The following COG5 variants were observed in gnomAD, a reference collection of about 807,000 sequenced individuals.
COG5 encodes the protein conserved oligomeric Golgi complex subunit 5.
A neutral mutation model predicts 110.4 loss-of-function variants in COG5; 86 were observed. That is an observed-to-expected ratio of 0.78 (90% confidence interval 0.65 to 0.93). COG5 has a LOEUF of 0.93. Ranked by LOEUF, COG5 falls within the 40% of genes least tolerant of loss-of-function variation. The pLI is 0.00. For missense variants in COG5, 1,077 were observed against 987.0 expected, an observed-to-expected ratio of 1.09 and a Z score of -1.22; for synonymous variants, 360 against 334.6, an observed-to-expected ratio of 1.08 and a Z score of -0.83.
chr7:107,529,136 G>A (rs1489081000), intron 5 of COG5, among the ~76,000 whole-genome samples: 2 of 150,644 alleles, frequency 1.3e-5, no homozygotes, highest in Non-Finnish European at 2.9e-5. Context: ...GATAATACAA[G>A]CACATGATTC....
At chr7:107,359,684 A>T (rs1812927395) in intron 10 of COG5, among the ~76,000 whole-genome samples, 2 of 152,226 alleles carry the variant, frequency 1.3e-5, no homozygotes, top group East Asian at 3.8e-4. Flanking sequence ...CCCCTGACTC[A>T]GCCAGACGAC....
At position 107,236,761 on chromosome 7, in the gene COG5, C is replaced by A. The variant is rs532895374; in HGVS notation, c.1854-74G>T. 4.9e-5 allele frequency: 45 copies of A among 917,334 alleles called. No individual in the cohort carries two copies. In the East Asian group the frequency reaches 1.0e-3, roughly 21 times the overall value. 56.8% of individuals were successfully genotyped at this position (917,334 alleles called of 1,614,324 possible). A position where few individuals can be genotyped will look rare whatever the true frequency, so the allele number is the denominator to read the frequency against. On this transcript the variant is annotated intron_variant, in intron 17 of 21. Coordinates refer to ENST00000297135, the MANE Select transcript of COG5 (RefSeq NM_006348.5). ...CTCTTTGATTTTGTACCCCTCTCCC[C>A]ACCAATGCTGCTATTTCAATCCTTT...
intron 19 of COG5, among the ~76,000 whole-genome samples, chr7:107,215,003 C>T (rs1007601262): frequency 1.3e-5 from 2 of 151,418 alleles, no homozygotes; most frequent in African/African-American, 4.9e-5. Context: ...ATTTTGACAT[C>T]AAAATATTAA....
At chr7:107,225,995 A>G (rs892441302) in intron 19 of COG5, among the ~76,000 whole-genome samples, 4 of 152,108 alleles carry the variant, frequency 2.6e-5, no homozygotes, top group African/African-American at 4.8e-5. Flanking sequence ...GTGAACCATG[A>G]TCATGCCATT....
intron 6 of COG5, among the ~76,000 whole-genome samples, chr7:107,456,322 A>G (rs576604569): frequency 3.3e-3 from 507 of 152,358 alleles, no homozygotes; most frequent in Non-Finnish European, 5.4e-3. Context: ...AAACAGATTT[A>G]AAACTTCTAC....
intron 6 of COG5, among the ~76,000 whole-genome samples, chr7:107,480,169 A>G (rs1225080609): frequency 1.3e-5 from 2 of 152,160 alleles, no homozygotes; most frequent in African/African-American, 4.8e-5. Context: ...TAGAAAATTC[A>G]CATTTTCAGT....
At chr7:107,446,094 C>A (rs1403994446) in intron 6 of COG5, among the ~76,000 whole-genome samples, 1 of 152,180 alleles carries the variant, frequency 6.6e-6, no homozygotes, top group Non-Finnish European at 1.5e-5. Flanking sequence ...ACAAACTTGA[C>A]CAGTTCAAGA....
chr7:107,348,419 C>T (rs947649009), intron 10 of COG5, among the ~76,000 whole-genome samples: 1 of 151,994 alleles, frequency 6.6e-6, no homozygotes, highest in Non-Finnish European at 1.5e-5. Flanking sequence ...ACCATATGGG[C>T]CTACTAGTTT....
chr7:107,281,401 T>C lies in COG5; in HGVS notation c.1476-2A>G, dbSNP rs372778214. On this transcript the variant is annotated splice_acceptor_variant, in intron 13 of 21. Transcript: ENST00000297135. LOFTEE classifies it high-confidence loss of function. ...TCAACAGCAGCAACATTTAGTTCAC[T>C]GGAGAAAATGAAAACAGTTTTTAAA... is the stretch of plus-strand genomic sequence containing the variant. The C allele has an allele frequency of 5.0e-6, 8 of 1,606,830 alleles. No individual in the cohort carries two copies. The highest frequency in any genetic ancestry group is 1.3e-5 in the African/African-American group (1 of 74,890).
chr7:107,344,994 T>G (rs1306532418), intron 10 of COG5, among the ~76,000 whole-genome samples: 1 of 152,194 alleles, frequency 6.6e-6, no homozygotes, highest in African/African-American at 2.4e-5. Context: ...TTTCTAGCTT[T>G]TGATTTAAAA....
intron 6 of COG5, among the ~76,000 whole-genome samples, chr7:107,517,956 A>G (rs914485183): frequency 6.6e-6 from 1 of 152,156 alleles, no homozygotes; most frequent in African/African-American, 2.4e-5. Flanking sequence ...TCGGCGTCCC[A>G]AAGTGCTGGG....
intron 7 of COG5, among the ~76,000 whole-genome samples, chr7:107,382,934 T>A (rs753110355): frequency 5.9e-5 from 9 of 152,230 alleles, no homozygotes; most frequent in Non-Finnish European, 8.8e-5. Context: ...AGTCTCCAGC[T>A]GCAACTCAGA....
In COG5 at chr7:107,370,936, T is replaced by A. The variant is rs191860705; in HGVS notation, c.835+1659A>T. On this transcript the variant is annotated intron_variant, in intron 8 of 21. Transcript: ENST00000297135. ...CACATGGTAATAAGGCAGCTTTTTT[T>A]AATTCTCTCAACAAAAGAGGCATAC... Among the ~76,000 whole-genome samples the A allele has an allele frequency of 1.6e-3, 240 of 152,156 alleles. 2 individuals carry two copies. Among genetic ancestry groups the A allele is most frequent in the African/African-American group, 5.3e-3 (222 of 41,526 alleles).
intron 6 of COG5, chr7:107,472,802 AATT>A (rs1284791012): frequency 1.3e-5 from 2 of 151,956 alleles, no homozygotes; most frequent in Non-Finnish European, 2.9e-5. Flanking sequence ...GAATTTTGAA[AATT>A]ATTAGCTTTT....
chr7:107,389,662 G>A (rs760722643), intron 7 of COG5, among the ~76,000 whole-genome samples: 15 of 152,038 alleles, frequency 9.9e-5, no homozygotes, highest in South Asian at 2.1e-4. Context: ...GAGCCCCCAC[G>A]GCCATTTGCA....
intron 6 of COG5, among the ~76,000 whole-genome samples, chr7:107,424,636 T>G (rs1167192944): frequency 2.0e-5 from 3 of 152,132 alleles, no homozygotes; most frequent in Non-Finnish European, 4.4e-5. Flanking sequence ...AAGAAGGATT[T>G]TCTATTTCAA....
chr7:107,363,033 T>C (rs76512661), intron 8 of COG5, among the ~76,000 whole-genome samples: 2,894 of 152,222 alleles, frequency 0.019, 89 homozygotes, highest in African/African-American at 0.064. Context: ...GGATGTGGTA[T>C]TGAAGTAGTA....
At chr7:107,536,548 C>T (rs919134418) in intron 5 of COG5, among the ~76,000 whole-genome samples, 2 of 152,114 alleles carry the variant, frequency 1.3e-5, no homozygotes, top group African/African-American at 4.8e-5. Flanking sequence ...AGGAATACAA[C>T]TTACAAGAGA....
intron 16 of COG5, among the ~76,000 whole-genome samples, chr7:107,249,330 A>G (rs1406110850): frequency 5.3e-5 from 8 of 152,104 alleles, no homozygotes; most frequent in South Asian, 2.1e-4. Flanking sequence ...GCTGCTAAAC[A>G]TCTTACGGAA....
Sources: allele counts gnomAD v4.1 joint callset (sites outside exome capture counted in the v4.1 genomes callset), GRCh38; gene constraint gnomAD v4.1.1; transcripts MANE v1.5; gene names NCBI Gene and HGNC (gene_info 2026-07-23, HGNC 2026-07-21).